The following PPP1R12A variants were observed in gnomAD, a reference collection of about 807,000 sequenced individuals.
PPP1R12A encodes the protein protein phosphatase 1 regulatory subunit 12A, also known as myosin binding subunit.
A neutral mutation model predicts 139.6 loss-of-function variants in PPP1R12A; 19 were observed. The ratio of observed to expected loss-of-function variants is 0.14; its 90% confidence interval spans 0.09 to 0.20. The LOEUF is 0.20. Among genes scored for constraint, PPP1R12A ranks in the 10% least tolerant of loss-of-function variants. PPP1R12A has a pLI of 1.00. For missense variants in PPP1R12A, 925 were observed against 1,211.5 expected (o/e 0.76, Z 3.51); for synonymous variants, 427 against 420.6 (o/e 1.02, Z -0.19).
chr12:79,861,470 G>C (rs139263082), intron 2 of PPP1R12A, among the ~76,000 whole-genome samples: 10 of 152,332 alleles, frequency 6.6e-5, no homozygotes, highest in African/African-American at 2.2e-4. Context: ...TGGACAGTGG[G>C]TGCAGCCCGC....
At chr12:79,906,780 A>C (rs906380841) in intron 1 of PPP1R12A, among the ~76,000 whole-genome samples, 1 of 152,078 alleles carries the variant, frequency 6.6e-6, no homozygotes, top group African/African-American at 2.4e-5. Context: ...AGTAGCTGGG[A>C]CTACAGGCGC....
At chr12:79,817,329 T>C (rs1875533718) in intron 9 of PPP1R12A, 65 bp downstream of exon 9, 2 of 1,446,970 alleles carry the variant, frequency 1.4e-6, no homozygotes, top group Non-Finnish European at 1.9e-6. Context: ...ATTACTTTAA[T>C]GAGTTAGTCC....
chr12:79,871,086 A>G lies in PPP1R12A; in HGVS notation c.368+1722T>C, dbSNP rs565988231. Among the ~76,000 whole-genome samples, 5 of 152,362 alleles carry G rather than the reference A, an allele frequency of 3.3e-5. No individual in the cohort carries two copies. In the South Asian group the frequency reaches 1.0e-3, roughly 32 times the overall value. On this transcript the variant is annotated intron_variant, in intron 2 of 24. Transcript: ENST00000450142. The stretch of plus-strand genomic sequence containing the variant: ...TAACCAAGAGGGGAGAAGGCTAAGA[A>G]TAAAGTCCATTTTTGGGAAATTCAG...
intron 1 of PPP1R12A, among the ~76,000 whole-genome samples, chr12:79,919,586 C>G (rs1592834262): frequency 6.6e-6 from 1 of 152,022 alleles, no homozygotes; most frequent in East Asian, 1.9e-4. Context: ...TCCCCTCCCC[C>G]AATCTAGGTG....
rs1287840227 is a variant in PPP1R12A, at chr12:79,810,717, A to G, written c.1240-707T>C. ...AGATAATCTGAAAAAAATCTAATAA[A>G]CTTCTAAAGCAATTAAAAGGCATAC... On this transcript the variant is annotated intron_variant, in intron 9 of 24. Coordinates refer to ENST00000450142, the MANE Select transcript of PPP1R12A (RefSeq NM_002480.3). 2.1e-5 allele frequency among the ~76,000 whole-genome samples: 3 copies of G among 142,074 alleles called. No homozygotes were observed. In the East Asian group the frequency reaches 6.4e-4, roughly 30 times the overall value. The allele number at this position is 142,074 out of a possible 152,430, so 93.2% of individuals were successfully genotyped here.
intron 1 of PPP1R12A, among the ~76,000 whole-genome samples, chr12:79,877,066 C>T (rs1883178586): frequency 1.3e-5 from 2 of 152,140 alleles, no homozygotes; most frequent in East Asian, 1.9e-4. Flanking sequence ...GTTTTAGGTT[C>T]TAGTTCTGGC....
At chr12:79,801,208 G>A (rs1316679680) in intron 14 of PPP1R12A, among the ~76,000 whole-genome samples, 2 of 150,942 alleles carry the variant, frequency 1.3e-5, no homozygotes, top group Non-Finnish European at 3.0e-5. Flanking sequence ...AGCCGGGCGT[G>A]GTGGCGCATG....
Position 79,872,836 on chromosome 12 carries a change from C to T in PPP1R12A, c.340G>A (p.Ala114Thr). Reference sequence around the variant, plus strand: ...GCAATATCAAGATATCCACAGGAAGCTGCTGCATGTAGTGGTATCCAGCCT... The same window carrying T: ...GCAATATCAAGATATCCACAGGAAGTTGCTGCATGTAGTGGTATCCAGCCT... ...NEGWIPLHAA[A>T]SCGYLDIAEF... The change falls in exon 2 of 25, where the codon GCT (alanine) becomes ACT (threonine). Residue 114 changes from alanine to threonine, a missense_variant. Ala to Thr is a moderately conservative substitution (Grantham distance 58). Around this residue, in one of 4 missense-constraint regions of PPP1R12A, gnomAD observed 199 missense variants for 352.4 expected, o/e 0.56. Transcript: ENST00000450142. 1 of 1,613,558 alleles carries T rather than the reference C, an allele frequency of 6.2e-7. No homozygotes were observed. Among genetic ancestry groups the T allele is most frequent in the Non-Finnish European group, 8.5e-7 (1 of 1,179,698 alleles).
intron 19 of PPP1R12A, among the ~76,000 whole-genome samples, chr12:79,793,249 C>A (rs1872114373): frequency 6.6e-6 from 1 of 152,144 alleles, no homozygotes; most frequent in Non-Finnish European, 1.5e-5. Context: ...AACTTTCAAC[C>A]CTTGCTGGCT....
chr12:79,894,920 A>G lies in PPP1R12A; in HGVS notation c.238-21982T>C, dbSNP rs553594395. 1.7e-3 allele frequency among the ~76,000 whole-genome samples: 265 copies of G among 152,268 alleles called. 1 individual carries two copies. The highest frequency in any genetic ancestry group is 3.3e-3 in the Non-Finnish European group (221 of 67,988). On this transcript the variant is annotated intron_variant, in intron 1 of 24. Transcript: ENST00000450142. ...CTGTCTCCTCTTAAAACTATCTGAC[A>G]ACTTTTTATCTTCCATACTAATCTG... is the stretch of plus-strand genomic sequence containing the variant.
intron 19 of PPP1R12A, among the ~76,000 whole-genome samples, chr12:79,791,265 T>C (rs1871815366): frequency 1.3e-5 from 2 of 152,208 alleles, no homozygotes; most frequent in Admixed American, 1.3e-4. Context: ...ATTTTAACAA[T>C]AAAAAGTCTA....
At chr12:79,799,877 C>T (rs528698964) in intron 14 of PPP1R12A, among the ~76,000 whole-genome samples, 1 of 152,100 alleles carries the variant, frequency 6.6e-6, no homozygotes, top group East Asian at 1.9e-4. Context: ...AGGCATGTGG[C>T]ACATGCCTGT....
intron 1 of PPP1R12A, among the ~76,000 whole-genome samples, chr12:79,909,817 C>T (rs533115785): frequency 5.8e-4 from 88 of 150,818 alleles, no homozygotes; most frequent in Non-Finnish European, 8.7e-4. Context: ...TTGTTGTTGA[C>T]GATGTTTTGA....
chr12:79,904,352 C>G (rs1885909158), intron 1 of PPP1R12A, among the ~76,000 whole-genome samples: 1 of 152,098 alleles, frequency 6.6e-6, no homozygotes, highest in Non-Finnish European at 1.5e-5. Context: ...TCCATTCATT[C>G]TGTATCCCCG....
rs769961479 is a variant in PPP1R12A, at chr12:79,822,194, C to T, written c.793-4G>A. 43 of 1,578,890 alleles carry T rather than the reference C, an allele frequency of 2.7e-5. No individual in the cohort carries two copies. The highest frequency in any genetic ancestry group is 6.9e-5 in the South Asian group (6 of 87,026). On this transcript the variant is annotated splice_polypyrimidine_tract_variant and splice_region_variant and intron_variant, in intron 5 of 24. Coordinates refer to ENST00000450142, the MANE Select transcript of PPP1R12A (RefSeq NM_002480.3). ...CTACATCAAAGGCTGTTTGGCCCTACGTAGGAAACAAGGGGGGATGGTGAT... is the reference window on the plus strand; with the variant it reads ...CTACATCAAAGGCTGTTTGGCCCTATGTAGGAAACAAGGGGGGATGGTGAT...
chr12:79,892,872 G>C (rs1884786476), intron 1 of PPP1R12A, among the ~76,000 whole-genome samples: 1 of 152,194 alleles, frequency 6.6e-6, no homozygotes, highest in Non-Finnish European at 1.5e-5. Flanking sequence ...GGAAGGCCAA[G>C]GTGGGCGGAT....
At chr12:79,825,242 CTT>C (rs1876625308) in intron 5 of PPP1R12A, 2 of 152,170 alleles carry the variant, frequency 1.3e-5, no homozygotes, top group South Asian at 4.2e-4. Context: ...GCAGAAATAG[CTT>C]TGTTATTCAT....
At chr12:79,895,148 T>C (rs1885018735) in intron 1 of PPP1R12A, among the ~76,000 whole-genome samples, 1 of 152,112 alleles carries the variant, frequency 6.6e-6, no homozygotes, top group South Asian at 2.1e-4. Context: ...GAAAAGTTTA[T>C]TAAGAAATTA....
At chr12:79,836,573 A>G (rs1592690558) in intron 3 of PPP1R12A, among the ~76,000 whole-genome samples, 1 of 152,320 alleles carries the variant, frequency 6.6e-6, no homozygotes, top group South Asian at 2.1e-4. Flanking sequence ...ATCCAAGTGT[A>G]AAGTTAACGT....
Sources: allele counts gnomAD v4.1 joint callset (sites outside exome capture counted in the v4.1 genomes callset), GRCh38; gene constraint gnomAD v4.1.1; regional missense constraint gnomAD v4.1.1; transcripts MANE v1.5; gene names NCBI Gene and HGNC (gene_info 2026-07-23, HGNC 2026-07-21).